Variants in NET1 observed in about 807,000 individuals in gnomAD.
NET1 encodes the protein neuroepithelial cell transforming 1.
Under a neutral mutation model 61.1 loss-of-function variants are expected in NET1, and 42 were observed. That is an observed-to-expected ratio of 0.69 (90% CI 0.54 to 0.89). NET1 has a LOEUF of 0.89. NET1 is among the 40% of genes least tolerant of loss of function. The probability of loss-of-function intolerance (pLI) is 0.00; values close to 1 mark genes in which losing one functional copy is unlikely to be tolerated. For synonymous variants in NET1, 254 were observed against 281.8 expected, an observed-to-expected ratio of 0.90 and a Z score of 0.99; for missense variants, 654 against 747.3, an observed-to-expected ratio of 0.88 and a Z score of 1.46.
rs1278535198 is a variant in NET1, at chr10:5,416,544, T to C, written c.128+3724T>C. Among the ~76,000 whole-genome samples the C allele has an allele frequency of 2.0e-5, 3 of 152,238 alleles. No homozygotes were observed. Among genetic ancestry groups the C allele is most frequent in the Non-Finnish European group, 4.4e-5 (3 of 68,036 alleles). ...CTGATCCATGGACAAGGGATGTTTT[T>C]CCAATTATTTAGATCTTTAATTATT... On this transcript the variant is annotated intron_variant, in intron 1 of 11. Coordinates refer to ENST00000355029, the MANE Select transcript of NET1 (RefSeq NM_001047160.3). The surrounding 1 kb of genome is among the most constrained non-coding windows in gnomAD (Gnocchi z 6.1).
rs547401754 is a variant in NET1 at position 5,425,238 on chromosome 10, C to T, written c.129-1417C>T. On this transcript the variant is annotated intron_variant, in intron 1 of 11. Coordinates refer to ENST00000355029, the MANE Select transcript of NET1 (RefSeq NM_001047160.3). ...TCCTCTTTTACCTTATAGCCAGTTT[C>T]CTTTGTGTTCCTTGTCGGAAAAAAA... Among the ~76,000 whole-genome samples the T allele has an allele frequency of 2.5e-4, 36 of 145,292 alleles. 1 individual carries two copies. In the South Asian group the frequency reaches 7.9e-3, roughly 32 times the overall value.
Position 5,424,877 on chromosome 10 carries a change from C to T in NET1, c.129-1778C>T, listed in dbSNP as rs1832234427. On this transcript the variant is annotated intron_variant, in intron 1 of 11. Transcript: ENST00000355029. This position sits in a 1 kb window ranked among gnomAD's most constrained non-coding sequence, Gnocchi z 6.1. Reference sequence around the variant, plus strand: ...TCCTCTCTAATCTTGTTACTGCTGCCAGAGCCCCAGTCATCTTTTGTAAGC... The same window carrying T: ...TCCTCTCTAATCTTGTTACTGCTGCTAGAGCCCCAGTCATCTTTTGTAAGC... Among the ~76,000 whole-genome samples the T allele has an allele frequency of 6.6e-6, 1 of 152,282 alleles. No homozygotes were observed. Among genetic ancestry groups the T allele is most frequent in the South Asian group, 2.1e-4 (1 of 4,830 alleles).
intron 3 of NET1, among the ~76,000 whole-genome samples, chr10:5,436,212 G>GAATA: frequency 1.3e-5 from 1 of 76,006 alleles, no homozygotes; most frequent in East Asian, 3.4e-4. Context: ...GTGTGTGTGT[G>GAATA]TGTGTGTGTG....
chr10:5,419,482 T>A (rs143392845), intron 1 of NET1, among the ~76,000 whole-genome samples: 38 of 152,340 alleles, frequency 2.5e-4, no homozygotes, highest in African/African-American at 7.7e-4. Flanking sequence ...CTATTCCTCC[T>A]TTATTGCTTT....
chr10:5,437,679 T>TA lies in NET1; in HGVS notation c.255+8452dup, dbSNP rs1588432165. On this transcript the variant is annotated intron_variant, in intron 3 of 11. Transcript: ENST00000355029. This position sits in a 1 kb window ranked among gnomAD's most constrained non-coding sequence, Gnocchi z 4.3. ...GTATTTTCCCTAGTATTTTTTTTTT[T>TA]AACCAACTATTGGGATAGATAACCT... is the stretch of plus-strand genomic sequence containing the variant. 6.7e-6 allele frequency among the ~76,000 whole-genome samples: 1 copy of TA among 150,068 alleles called. No individual in the cohort carries two copies. The highest frequency in any genetic ancestry group is 2.5e-5 in the African/African-American group (1 of 40,792).
chr10:5,415,902 G>C lies in NET1; in HGVS notation c.128+3082G>C, dbSNP rs1245501779. 1.3e-5 allele frequency among the ~76,000 whole-genome samples: 2 copies of C among 152,100 alleles called. No homozygotes were observed. Among genetic ancestry groups the C allele is most frequent in the East Asian group, 1.9e-4 (1 of 5,194 alleles). ...AAGCACAAAAATGTTTTAGTTTGTA[G>C]TCCTACTTGTCTATTTTTGCTTTTG... is the stretch of plus-strand genomic sequence containing the variant. On this transcript the variant is annotated intron_variant, in intron 1 of 11. Transcript: ENST00000355029. This position sits in a 1 kb window ranked among gnomAD's most constrained non-coding sequence, Gnocchi z 4.7.
At chr10:5,429,279 G>A in intron 3 of NET1, 50 bp downstream of exon 3, 1 of 1,319,616 alleles carries the variant, frequency 7.6e-7, no homozygotes, top group Non-Finnish European at 1.1e-6. Flanking sequence ...TATGCAGATA[G>A]CATTTTATTT....
rs563458703 is a variant in NET1, at chr10:5,415,979, A to T, written c.128+3159A>T. Among the ~76,000 whole-genome samples the T allele has an allele frequency of 5.5e-4, 83 of 152,276 alleles. No individual in the cohort carries two copies. The highest frequency in any genetic ancestry group is 1.9e-3 in the African/African-American group (80 of 41,550). On this transcript the variant is annotated intron_variant, in intron 1 of 11. Transcript: ENST00000355029. The surrounding 1 kb of genome is among the most constrained non-coding windows in gnomAD (Gnocchi z 4.7). ...AGAAATCACTGCTAAATCCATTGTT[A>T]TGAATCCTTTCCCCAGTGCTTTCTT...
Position 5,437,874 on chromosome 10 carries a change from C to T in NET1, c.255+8645C>T, listed in dbSNP as rs941654899. ...TCAGGCTGCAAAACAAGTCTTAATA[C>T]ATTTATAAAGACTGAAATCATACAG... On this transcript the variant is annotated intron_variant, in intron 3 of 11. Transcript: ENST00000355029. This position sits in a 1 kb window ranked among gnomAD's most constrained non-coding sequence, Gnocchi z 4.3. 2.0e-5 allele frequency among the ~76,000 whole-genome samples: 3 copies of T among 152,106 alleles called. No individual in the cohort carries two copies. Among genetic ancestry groups the T allele is most frequent in the Admixed American group, 1.3e-4 (2 of 15,270 alleles).
Position 5,453,492 on chromosome 10 carries a change from A to G in NET1, c.700A>G (p.Thr234Ala). ...SYIPLHEDLL[T>A]RIGEATKPDG... Reference sequence around the variant, plus strand: ...CTTTTTTATCACTTCAGATTTGTTGACAAGAATAGGAGAAGCAACCAAGCC... The same window carrying G: ...CTTTTTTATCACTTCAGATTTGTTGGCAAGAATAGGAGAAGCAACCAAGCC... The change falls in exon 8 of 12, where the codon ACA (threonine) becomes GCA (alanine). Residue 234 changes from threonine (T) to alanine (A), a missense_variant. Coordinates refer to ENST00000355029, the MANE Select transcript of NET1 (RefSeq NM_001047160.3). This position sits in a 1 kb window ranked among gnomAD's most constrained non-coding sequence, Gnocchi z 4.9. 6.2e-7 allele frequency: 1 copy of G among 1,614,134 alleles called. No homozygotes were observed. Among genetic ancestry groups the G allele is most frequent in the Non-Finnish European group, 8.5e-7 (1 of 1,180,022 alleles).
chr10:5,453,302 C>A lies in NET1; in HGVS notation c.647C>A (p.Thr216Lys). Reference sequence around the variant, plus strand: ...TCCATCATGTCAGAAGAGGAACTCACACATATATTTGGTGATCTGGACTCT... The same window carrying A: ...TCCATCATGTCAGAAGAGGAACTCAAACATATATTTGGTGATCTGGACTCT... ...KLSIMSEEELTHIFGDLDSYI... is the reference protein window; with the variant it reads ...KLSIMSEEELKHIFGDLDSYI... The change falls in exon 7 of 12, where the codon ACA (threonine) becomes AAA (lysine). Residue 216 changes from threonine (T) to lysine (K), a missense_variant. Thr to Lys is a moderately conservative substitution (Grantham distance 78, BLOSUM62 -1). Coordinates refer to ENST00000355029, the MANE Select transcript of NET1 (RefSeq NM_001047160.3). The surrounding 1 kb of genome is among the most constrained non-coding windows in gnomAD (Gnocchi z 4.9). 6.2e-7 allele frequency: 1 copy of A among 1,613,118 alleles called. No individual in the cohort carries two copies. The highest frequency in any genetic ancestry group is 1.1e-5 in the South Asian group (1 of 91,068).
Position 5,456,439 on chromosome 10 carries a change from T to C in NET1, c.1385-149T>C, listed in dbSNP as rs1832798950. On this transcript the variant is annotated intron_variant, in intron 11 of 11. Transcript: ENST00000355029. This position sits in a 1 kb window ranked among gnomAD's most constrained non-coding sequence, Gnocchi z 7.0. ...CAGCTCGAACACCCGCAGGTGTATC[T>C]AAGAAATAATGCATAGGCTTAATGT... 9.7e-7 allele frequency: 1 copy of C among 1,033,794 alleles called. No individual in the cohort carries two copies. The highest frequency in any genetic ancestry group is 1.4e-6 in the Non-Finnish European group (1 of 725,686). 64.0% of individuals were successfully genotyped at this position (1,033,794 alleles called of 1,614,324 possible).
At position 5,458,602 on chromosome 10, in the gene NET1, G is replaced by A. The variant is rs1462617556; in HGVS notation, c.*1608G>A. On this transcript the variant is annotated 3_prime_UTR_variant, in exon 12 of 12. Transcript: ENST00000355029. This position sits in a 1 kb window ranked among gnomAD's most constrained non-coding sequence, Gnocchi z 4.5. The stretch of plus-strand genomic sequence containing the variant: ...AACCTTTGAAATCATTGATGAATCA[G>A]CGAAAGGTAGGTAAGTCTTGTGTTA... The A allele has an allele frequency of 2.6e-5, 4 of 152,628 alleles. No homozygotes were observed. The highest frequency in any genetic ancestry group is 5.9e-5 in the Non-Finnish European group (4 of 68,040). 9.5% of individuals were successfully genotyped at this position (152,628 alleles called of 1,614,324 possible).
At chr10:5,418,006 C>T (rs1832109680) in intron 1 of NET1, among the ~76,000 whole-genome samples, 1 of 151,856 alleles carries the variant, frequency 6.6e-6, no homozygotes, top group East Asian at 1.9e-4. Flanking sequence ...ATAAGTCCTG[C>T]TTGGTCATTG....
rs368937064 is a variant in NET1, at chr10:5,452,820, C to G, written c.532-38C>G. On this transcript the variant is annotated intron_variant, in intron 5 of 11. Transcript: ENST00000355029. This position sits in a 1 kb window ranked among gnomAD's most constrained non-coding sequence, Gnocchi z 4.0. Reference sequence around the variant, plus strand: ...TCAGTTGTATATAATTTTCCTTTCTCGAAGGAATGACCTCTGATGTTTGCT... The same window carrying G: ...TCAGTTGTATATAATTTTCCTTTCTGGAAGGAATGACCTCTGATGTTTGCT... 3.7e-5 allele frequency: 58 copies of G among 1,583,738 alleles called. No homozygotes were observed. The highest frequency in any genetic ancestry group is 4.9e-5 in the Non-Finnish European group (57 of 1,164,848).
At position 5,446,815 on chromosome 10, in the gene NET1, T is replaced by C; in HGVS notation, c.256-5015T>C. On this transcript the variant is annotated intron_variant, in intron 3 of 11. Transcript: ENST00000355029. The surrounding 1 kb of genome is among the most constrained non-coding windows in gnomAD (Gnocchi z 5.0). ...GGTCTCCTACCTATTAAAAGGACCA[T>C]ACGAGTCCTAGATGTCAATAACCAG... is the stretch of plus-strand genomic sequence containing the variant. 1 of 1,611,992 alleles carries C rather than the reference T, an allele frequency of 6.2e-7. No homozygotes were observed. The highest frequency in any genetic ancestry group is 8.5e-7 in the Non-Finnish European group (1 of 1,178,786).
chr10:5,456,033 C>A lies in NET1; in HGVS notation c.1198-54C>A. ...GTCGAGTTATTTTAGCAATATATTT[C>A]AGTCACTTAAAAACACAAGTTTCCT... On this transcript the variant is annotated intron_variant, in intron 10 of 11. Transcript: ENST00000355029. The surrounding 1 kb of genome is among the most constrained non-coding windows in gnomAD (Gnocchi z 7.0). 6.8e-7 allele frequency: 1 copy of A among 1,480,116 alleles called. No homozygotes were observed. Among genetic ancestry groups the A allele is most frequent in the Non-Finnish European group, 9.2e-7 (1 of 1,083,052 alleles). The allele number at this position is 1,480,116 out of a possible 1,614,324, so 91.7% of individuals were successfully genotyped here.
chr10:5,439,404 C>T lies in NET1; in HGVS notation c.255+10175C>T, dbSNP rs1157868735. Among the ~76,000 whole-genome samples, 4 of 152,300 alleles carry T rather than the reference C, an allele frequency of 2.6e-5. No individual in the cohort carries two copies. The highest frequency in any genetic ancestry group is 3.9e-4 in the East Asian group (2 of 5,184). ...AGATGAAGAGTTGAAAGAGAAGTAC[C>T]AGTGTAATGTACTAGGTTACATGGC... is the stretch of plus-strand genomic sequence containing the variant. On this transcript the variant is annotated intron_variant, in intron 3 of 11. Transcript: ENST00000355029. The surrounding 1 kb of genome is among the most constrained non-coding windows in gnomAD (Gnocchi z 4.8).
chr10:5,423,573 A>T lies in NET1; in HGVS notation c.129-3082A>T, dbSNP rs968087573. ...ATGTATTAGTTTATTTTATTCCTTAAATGTTGTAATTATTTGGATATATAG... is the reference window on the plus strand; with the variant it reads ...ATGTATTAGTTTATTTTATTCCTTATATGTTGTAATTATTTGGATATATAG... On this transcript the variant is annotated intron_variant, in intron 1 of 11. Transcript: ENST00000355029. The surrounding 1 kb of genome is among the most constrained non-coding windows in gnomAD (Gnocchi z 4.4). Among the ~76,000 whole-genome samples the T allele has an allele frequency of 1.3e-5, 2 of 152,304 alleles. No homozygotes were observed. The highest frequency in any genetic ancestry group is 2.9e-5 in the Non-Finnish European group (2 of 68,010).
Sources: allele counts gnomAD v4.1 joint callset (sites outside exome capture counted in the v4.1 genomes callset), GRCh38; gene constraint gnomAD v4.1.1; non-coding constraint Gnocchi (gnomAD v3.1); transcripts MANE v1.5; gene names NCBI Gene and HGNC (gene_info 2026-07-23, HGNC 2026-07-21).